RELN: variants seen among roughly 807,000 people sequenced by gnomAD.
RELN encodes reelin.
Under a neutral mutation model 427.6 loss-of-function variants are expected in RELN, and 108 were observed. The observed-to-expected ratio is 0.25, with a 90% CI of 0.22 to 0.30. RELN has a LOEUF of 0.30. Ranked by LOEUF, RELN falls within the 10% of genes least tolerant of loss-of-function variation. RELN has a pLI of 1.00. For synonymous variants in RELN, 1,524 were observed against 1,513.4 expected, an observed-to-expected ratio of 1.01 and a Z score of -0.16; for missense variants, 3,715 against 4,302.8, an observed-to-expected ratio of 0.86 and a Z score of 3.82.
At chr7:103,971,773 A>G (rs1796768403) in intron 1 of RELN, among the ~76,000 whole-genome samples, 1 of 152,196 alleles carries the variant, frequency 6.6e-6, no homozygotes, top group South Asian at 2.1e-4. Context: ...TAATAAAAAT[A>G]AACTTTAAAA....
intron 8 of RELN, among the ~76,000 whole-genome samples, chr7:103,709,771 A>T (rs1209330214): frequency 1.3e-5 from 2 of 152,262 alleles, no homozygotes; most frequent in African/African-American, 4.8e-5. Context: ...AATATAAAAA[A>T]ATAAATCCAT....
chr7:103,938,771 A>C (rs1278201557), intron 1 of RELN, among the ~76,000 whole-genome samples: 1 of 152,198 alleles, frequency 6.6e-6, no homozygotes, highest in Non-Finnish European at 1.5e-5. Flanking sequence ...TATGTCAATT[A>C]AGACTCAAAT....
At chr7:103,794,080 A>G (rs1355191471) in intron 3 of RELN, among the ~76,000 whole-genome samples, 2 of 152,130 alleles carry the variant, frequency 1.3e-5, no homozygotes, top group Non-Finnish European at 2.9e-5. Context: ...AACAGAAGTA[A>G]TATTTTTTAA....
At chr7:103,821,132 C>A (rs1053778114) in intron 3 of RELN, among the ~76,000 whole-genome samples, 2 of 152,148 alleles carry the variant, frequency 1.3e-5, no homozygotes, top group African/African-American at 4.8e-5. Flanking sequence ...TAATTAAAAA[C>A]CTATCACTAT....
At chr7:103,513,222 C>G (rs939775740) in intron 50 of RELN, 1 of 152,190 alleles carries the variant, frequency 6.6e-6, no homozygotes, top group African/African-American at 2.4e-5. Context: ...ACTCACCCGT[C>G]TCTCCTGCAG....
intron 36 of RELN, among the ~76,000 whole-genome samples, chr7:103,559,148 G>C (rs527376683): frequency 1.8e-4 from 27 of 152,162 alleles, no homozygotes; most frequent in Non-Finnish European, 3.8e-4. Flanking sequence ...AAAACTCAGA[G>C]AGGGAAAGTA....
chr7:103,748,079 T>C (rs1299919656), intron 6 of RELN, among the ~76,000 whole-genome samples: 1 of 146,866 alleles, frequency 6.8e-6, no homozygotes, highest in East Asian at 2.0e-4. Context: ...TAATGGCATA[T>C]AAAAAAGCAA....
At chr7:103,929,032 G>C (rs1458253966) in intron 1 of RELN, among the ~76,000 whole-genome samples, 2 of 152,214 alleles carry the variant, frequency 1.3e-5, no homozygotes, top group Non-Finnish European at 2.9e-5. Flanking sequence ...GGTTAAGTCA[G>C]CATATCTTGT....
intron 8 of RELN, among the ~76,000 whole-genome samples, chr7:103,718,252 A>C (rs1789989237): frequency 6.6e-6 from 1 of 151,856 alleles, no homozygotes. Context: ...ACATCTGTGT[A>C]TCTTAATAAG....
chr7:103,649,869 A>G (rs1240170547), intron 16 of RELN, among the ~76,000 whole-genome samples: 1 of 151,988 alleles, frequency 6.6e-6, no homozygotes, highest in Admixed American at 6.6e-5. Flanking sequence ...TGTAAAAGAA[A>G]AGCATTCCAG....
At chr7:103,666,223 C>A (rs928088125) in intron 11 of RELN, among the ~76,000 whole-genome samples, 1 of 152,002 alleles carries the variant, frequency 6.6e-6, no homozygotes, top group Admixed American at 6.6e-5. Context: ...GAGGCACCAC[C>A]ATGCCCAGGT....
At chr7:103,845,145 A>ATT (rs1563047133) in intron 2 of RELN, among the ~76,000 whole-genome samples, 2 of 150,612 alleles carry the variant, frequency 1.3e-5, no homozygotes, top group East Asian at 2.0e-4. Flanking sequence ...ATCAAAAAAA[A>ATT]ATTTTTTTTT....
At chr7:103,773,197 TTCTCTC>T (rs60728490) in intron 4 of RELN, among the ~76,000 whole-genome samples, 17 of 100,296 alleles carry the variant, frequency 1.7e-4, no homozygotes, top group Admixed American at 3.2e-4. Context: ...TTTTCTTTCT[TTCTCTC>T]TCTCTCTCTC....
Position 103,858,902 on chromosome 7 carries a change from C to A in RELN, c.338-25230G>T, listed in dbSNP as rs565634144. Among the ~76,000 whole-genome samples, 4 of 152,294 alleles carry A rather than the reference C, an allele frequency of 2.6e-5. No individual in the cohort carries two copies. In the South Asian group the frequency reaches 8.3e-4, roughly 32 times the overall value. On this transcript the variant is annotated intron_variant, in intron 2 of 64. Coordinates refer to ENST00000428762, the MANE Select transcript of RELN (RefSeq NM_005045.4). ...CTACAGGAACAACAACAACAAAAAACTCCTGTACATTTTACTATACTTAAT... is the reference window on the plus strand; with the variant it reads ...CTACAGGAACAACAACAACAAAAAAATCCTGTACATTTTACTATACTTAAT...
chr7:103,886,462 G>T (rs533770909), intron 2 of RELN, among the ~76,000 whole-genome samples: 2 of 152,158 alleles, frequency 1.3e-5, no homozygotes, highest in African/African-American at 2.4e-5. Context: ...CTAACAAAAG[G>T]TAACCCCAAT....
At chr7:103,725,918 C>T (rs1790199182) in intron 7 of RELN, among the ~76,000 whole-genome samples, 1 of 152,134 alleles carries the variant, frequency 6.6e-6, no homozygotes, top group Non-Finnish European at 1.5e-5. Context: ...TGGAGATCCT[C>T]CTTTTAGCAT....
chr7:103,884,031 A>G (rs1794668879), intron 2 of RELN, among the ~76,000 whole-genome samples: 1 of 152,162 alleles, frequency 6.6e-6, no homozygotes, highest in East Asian at 1.9e-4. Flanking sequence ...ACTTCAAAGT[A>G]TACTACAGGG....
At chr7:103,896,008 C>A (rs1584343052) in intron 2 of RELN, among the ~76,000 whole-genome samples, 1 of 152,154 alleles carries the variant, frequency 6.6e-6, no homozygotes. Context: ...AAAGACAACT[C>A]AATTTTTTTA....
intron 4 of RELN, among the ~76,000 whole-genome samples, chr7:103,776,048 C>T (rs559043830): frequency 1.2e-3 from 188 of 152,272 alleles, no homozygotes; most frequent in African/African-American, 3.8e-3. Flanking sequence ...GCATGCATCC[C>T]GGTCACATAT....
Sources: allele counts gnomAD v4.1 joint callset (sites outside exome capture counted in the v4.1 genomes callset), GRCh38; gene constraint gnomAD v4.1.1; transcripts MANE v1.5; gene names NCBI Gene and HGNC (gene_info 2026-07-23, HGNC 2026-07-21).